CDH23: variants seen among roughly 807,000 people sequenced by gnomAD.
The protein encoded by CDH23 is cadherin-23.
A neutral mutation model predicts 317.1 loss-of-function variants in CDH23; 189 were observed. That is an observed-to-expected ratio of 0.60 (90% CI 0.53 to 0.67). The LOEUF (loss-of-function observed/expected upper bound fraction) is 0.67. Ranked by LOEUF, CDH23 falls within the 30% of genes least tolerant of loss-of-function variation. CDH23 has a pLI of 0.00. For synonymous variants in CDH23, 1,839 were observed against 1,876.8 expected, an observed-to-expected ratio of 0.98 and a Z score of 0.52; for missense variants, 4,401 against 4,592.4, an observed-to-expected ratio of 0.96 and a Z score of 1.20.
chr10:71,427,992 C>A (rs530640044), intron 1 of CDH23, among the ~76,000 whole-genome samples: 2 of 151,520 alleles, frequency 1.3e-5, no homozygotes, highest in Non-Finnish European at 2.9e-5. Flanking sequence ...GAATTACAGG[C>A]GTGACCCACT....
At chr10:71,688,884 G>A (rs1168753488) in intron 19 of CDH23, among the ~76,000 whole-genome samples, 1 of 120,900 alleles carries the variant, frequency 8.3e-6, no homozygotes, top group Admixed American at 7.9e-5. Flanking sequence ...GATGGAGCCA[G>A]GGGTGGTGGA....
At chr10:71,578,080 A>C in intron 9 of CDH23, 88 bp downstream of exon 9, 1 of 1,330,554 alleles carries the variant, frequency 7.5e-7, no homozygotes, top group Non-Finnish European at 1.1e-6. Context: ...CTGAGGGCTA[A>C]GGAGAGGTCT....
chr10:71,560,520 C>T (rs1325679743), intron 6 of CDH23, among the ~76,000 whole-genome samples: 3 of 152,160 alleles, frequency 2.0e-5, no homozygotes, highest in African/African-American at 7.2e-5. Context: ...GGTCTGGGCA[C>T]AGAAAGGTGA....
At chr10:71,568,611 T>C (rs1867997) in intron 7 of CDH23, among the ~76,000 whole-genome samples, 65,952 of 151,974 alleles carry the variant, frequency 0.43, 16,434 homozygotes, top group African/African-American at 0.68. Flanking sequence ...AGATGGCTTC[T>C]CCCTTGCTTC....
intron 3 of CDH23, among the ~76,000 whole-genome samples, chr10:71,475,944 C>T (rs1293284472): frequency 6.6e-6 from 1 of 152,214 alleles, no homozygotes; most frequent in Non-Finnish European, 1.5e-5. Flanking sequence ...TGGCTGCCCT[C>T]CCTGGGCCTC....
chr10:71,804,635 T>C (rs1043363375), intron 55 of CDH23, among the ~76,000 whole-genome samples: 2 of 152,210 alleles, frequency 1.3e-5, no homozygotes, highest in African/African-American at 4.8e-5. Flanking sequence ...TTGTGTCTAG[T>C]GTCTCATCGG....
At chr10:71,560,196 T>G (rs1422224915) in intron 6 of CDH23, among the ~76,000 whole-genome samples, 1 of 152,192 alleles carries the variant, frequency 6.6e-6, no homozygotes, top group Non-Finnish European at 1.5e-5. Flanking sequence ...TGCTTTAGCA[T>G]CCAACAGAAA....
intron 45 of CDH23, among the ~76,000 whole-genome samples, 167 bp from the exon 46 acceptor site, chr10:71,790,121 T>C (rs1841205111): frequency 6.6e-6 from 1 of 152,304 alleles, no homozygotes; most frequent in Admixed American, 6.5e-5. Flanking sequence ...CTGCGTTCAG[T>C]CTGCCAAGGC....
Position 71,815,369 on chromosome 10 carries a change from CCCT to C in CDH23, c.*94_*96del, listed in dbSNP as rs1427617784. 2.4e-6 allele frequency: 3 copies of C among 1,244,798 alleles called. No individual in the cohort carries two copies. The highest frequency in any genetic ancestry group is 1.5e-5 in the African/African-American group (1 of 65,708). The allele number at this position is 1,244,798 out of a possible 1,614,324, so 77.1% of individuals were successfully genotyped here. On this transcript the variant is annotated 3_prime_UTR_variant, in exon 70 of 70. Transcript: ENST00000224721. The stretch of plus-strand genomic sequence containing the variant: ...CAGGGACAGGGCCGGTCGGGGGGGA[CCCT>C]CCAAGGCCAGGCCTTGGGGACAACC...
chr10:71,689,565 C>T (rs191444964), intron 19 of CDH23, among the ~76,000 whole-genome samples: 29 of 152,300 alleles, frequency 1.9e-4, no homozygotes, highest in Admixed American at 2.6e-4. Context: ...GCCACTATGG[C>T]CTGCCTGGCC....
At position 71,414,206 on chromosome 10, in the gene CDH23, G is replaced by A. The variant is rs527823937; in HGVS notation, c.-6+16888G>A. ...CTTGTCTAATTGCTCTGGCTACAAC[G>A]TCCAATACTATGTTAAATGGAAATG... On this transcript the variant is annotated intron_variant, in intron 1 of 69. Coordinates refer to ENST00000224721, the MANE Select transcript of CDH23 (RefSeq NM_022124.6). 5.9e-5 allele frequency among the ~76,000 whole-genome samples: 9 copies of A among 151,966 alleles called. No individual in the cohort carries two copies. In the South Asian group the frequency reaches 1.2e-3, roughly 21 times the overall value.
At chr10:71,810,745 G>A (rs919318299) in intron 62 of CDH23, among the ~76,000 whole-genome samples, 176 bp downstream of exon 62, 6 of 152,110 alleles carry the variant, frequency 3.9e-5, no homozygotes, top group Non-Finnish European at 8.8e-5. Context: ...GGGGGTATGA[G>A]CAACTCTGTC....
intron 14 of CDH23, among the ~76,000 whole-genome samples, chr10:71,661,266 CTCT>C (rs1863637891): frequency 6.6e-6 from 1 of 152,196 alleles, no homozygotes; most frequent in African/African-American, 2.4e-5. Context: ...CCAGCGCTCC[CTCT>C]GCCGGCCCAG....
intron 22 of CDH23, among the ~76,000 whole-genome samples, chr10:71,697,681 A>G (rs1447755968): frequency 3.9e-5 from 6 of 151,974 alleles, no homozygotes; most frequent in Non-Finnish European, 7.4e-5. Context: ...CAAAAAAAAA[A>G]AGGAAGCTCC....
chr10:71,407,601 C>G (rs992455323), intron 1 of CDH23, among the ~76,000 whole-genome samples: 1 of 152,222 alleles, frequency 6.6e-6, no homozygotes, highest in African/African-American at 2.4e-5. Flanking sequence ...CAACCCCACA[C>G]CTTTCCCCGC....
chr10:71,414,048 T>C (rs1414389949), intron 1 of CDH23, among the ~76,000 whole-genome samples: 1 of 23,136 alleles, frequency 4.3e-5, no homozygotes, highest in Admixed American at 3.1e-4. Flanking sequence ...TCCTGGGTTT[T>C]GTGTGTGTGT....
chr10:71,577,937 CG>C lies in CDH23; in HGVS notation c.778del (p.Ala260ProfsTer2), dbSNP rs1858332687. The C allele has an allele frequency of 6.2e-7, 1 of 1,604,400 alleles. No individual in the cohort carries two copies. Among genetic ancestry groups the C allele is most frequent in the Non-Finnish European group, 8.5e-7 (1 of 1,175,744 alleles). On this transcript the variant is annotated frameshift_variant, in exon 9 of 70. Transcript: ENST00000224721. LOFTEE classifies it high-confidence loss of function. Reference sequence around the variant, plus strand: ...AGGGCACGACGGTGCGCATCATCACCGCCATAGACCAGGATAAAGGACGTCC... The same window carrying C: ...AGGGCACGACGGTGCGCATCATCACCCCATAGACCAGGATAAAGGACGTCC... ...PPGTTVRIIT[A>X]IDQDKGRPRG...
chr10:71,526,322 C>T (rs905830609), intron 6 of CDH23, among the ~76,000 whole-genome samples: 2 of 152,254 alleles, frequency 1.3e-5, no homozygotes, highest in African/African-American at 4.8e-5. Context: ...CAGCGCTCAC[C>T]TGTGGCTCTC....
intron 9 of CDH23, among the ~76,000 whole-genome samples, chr10:71,595,392 C>A (rs190743402): frequency 6.6e-6 from 1 of 152,284 alleles, no homozygotes; most frequent in African/African-American, 2.4e-5. Flanking sequence ...TCCCTGACCA[C>A]CCGCTTGCAT....
Sources: gnomAD v4.1 joint callset for allele counts (sites outside exome capture counted in the v4.1 genomes callset) on GRCh38, gnomAD v4.1.1 for gene constraint, MANE v1.5 for transcripts, NCBI Gene and HGNC (gene_info 2026-07-23, HGNC 2026-07-21) for gene names.